Variants in MSL1 observed in about 807,000 individuals in gnomAD.
The protein encoded by MSL1 is MSL complex subunit 1.
Under a neutral mutation model 64.6 loss-of-function variants are expected in MSL1, and 21 were observed. The observed-to-expected ratio is 0.33, with a 90% CI of 0.23 to 0.47. The LOEUF (loss-of-function observed/expected upper bound fraction) is 0.47, where lower values mean the gene tolerates loss of function less well. Among genes scored for constraint, MSL1 ranks in the 20% least tolerant of loss-of-function variants. The probability of loss-of-function intolerance (pLI) is 1.00; values close to 1 mark genes in which losing one functional copy is unlikely to be tolerated. For synonymous variants in MSL1, 339 were observed against 329.6 expected (o/e 1.03, Z -0.31); for missense variants, 664 against 793.2 (o/e 0.84, Z 1.96).
rs866430268 is a variant in MSL1, at chr17:40,134,128, C to T, written c.1755-151C>T. ...ATGATTCCATCACTTTAATGGTACA[C>T]AGTTGCTCTGGCTTTGAGGCAGGAA... On this transcript the variant is annotated intron_variant, in intron 8 of 8. Transcript: ENST00000398532. The T allele has an allele frequency of 1.1e-4, 75 of 701,240 alleles. 1 individual carries two copies. In the South Asian group the frequency reaches 1.2e-3, roughly 11 times the overall value. 43.4% of individuals were successfully genotyped at this position (701,240 alleles called of 1,614,324 possible).
rs1988435465 is a variant in MSL1, at chr17:40,131,480, G to T, written c.1376-57G>T. 3.4e-6 allele frequency: 5 copies of T among 1,488,258 alleles called. No homozygotes were observed. The highest frequency in any genetic ancestry group is 1.1e-5 in the South Asian group (1 of 88,154). The allele number at this position is 1,488,258 out of a possible 1,614,324, so 92.2% of individuals were successfully genotyped here. ...AGTGATGATCCTTTCCTCCATTTGG[G>T]GTATGGGCTTTTTTTCTTTTTACAC... On this transcript the variant is annotated intron_variant, in intron 3 of 8. Transcript: ENST00000398532. The surrounding 1 kb of genome is among the most constrained non-coding windows in gnomAD (Gnocchi z 4.5).
chr17:40,134,249 C>CA (rs1359820450), intron 8 of MSL1, 30 bp from the exon 9 acceptor site: 1 of 1,540,654 alleles, frequency 6.5e-7, no homozygotes, highest in Non-Finnish European at 8.8e-7. Context: ...TCTAGTCTTG[C>CA]AAGTTGATTT....
chr17:40,130,376 C>T (rs1988415457), intron 3 of MSL1: 1 of 152,010 alleles, frequency 6.6e-6, no homozygotes, highest in Admixed American at 6.6e-5. Flanking sequence ...GTCTTCATTC[C>T]CTTTTTTTTT....
In MSL1 at chr17:40,122,573, CCCT is replaced by C; in HGVS notation, c.-34_-32del. 2 of 1,381,696 alleles carry C rather than the reference CCCT, an allele frequency of 1.4e-6. No homozygotes were observed. Among genetic ancestry groups the C allele is most frequent in the Non-Finnish European group, 9.3e-7 (1 of 1,069,840 alleles). 85.6% of individuals were successfully genotyped at this position (1,381,696 alleles called of 1,614,324 possible). ...CCCCGCACCTCGCCCCTTCCCCACC[CCCT>C]CCTCCGCCTCGGTGCCCGGCGCTGC... is the stretch of plus-strand genomic sequence containing the variant. On this transcript the variant is annotated 5_prime_UTR_variant, in exon 1 of 9. Coordinates refer to ENST00000398532, the MANE Select transcript of MSL1 (RefSeq NM_001365919.1). The surrounding 1 kb of genome is among the most constrained non-coding windows in gnomAD (Gnocchi z 4.2).
Position 40,131,595 on chromosome 17 carries a change from T to C in MSL1, c.1423+11T>C, listed in dbSNP as rs201263268. The C allele has an allele frequency of 8.6e-5, 139 of 1,613,434 alleles. No individual in the cohort carries two copies. The African/African-American group carries it at 1.6e-3, about 19-fold the overall frequency. ...CTTCAGTCTTGGCTGGTGAGTAGAA[T>C]AGGAATTGTGCTGGCTGGGCCTGGG... On this transcript the variant is annotated intron_variant, in intron 4 of 8. Transcript: ENST00000398532. This position sits in a 1 kb window ranked among gnomAD's most constrained non-coding sequence, Gnocchi z 4.5.
Position 40,123,338 on chromosome 17 carries a change from C to T in MSL1, c.726C>T (p.Ala242=). ...AACAGCAGCAGCAGCAGCTGCAGGC[C>T]AAGGAAAAGGAGATCGAGGAGCTGA... The part of the protein sequence containing the change: ...LIEQQQQQLQ[A]KEKEIEELKS... The change falls in exon 1 of 9, where the codon GCC becomes GCT. Residue 242 remains alanine (A), a synonymous_variant. Transcript: ENST00000398532. 6.5e-7 allele frequency: 1 copy of T among 1,536,312 alleles called. No homozygotes were observed. Among genetic ancestry groups the T allele is most frequent in the South Asian group, 1.2e-5 (1 of 84,046 alleles).
In MSL1 at chr17:40,131,818, T is replaced by A; in HGVS notation, c.1424-216T>A. 1 of 614,908 alleles carries A rather than the reference T, an allele frequency of 1.6e-6. No individual in the cohort carries two copies. The highest frequency in any genetic ancestry group is 2.9e-6 in the Non-Finnish European group (1 of 346,908). The allele number at this position is 614,908 out of a possible 1,614,324, so 38.1% of individuals were successfully genotyped here. The stretch of plus-strand genomic sequence containing the variant: ...TATTGGTTTAGGGTTTTTGTGATCC[T>A]GAGTTTGGCAGACTGCAATGGCATT... On this transcript the variant is annotated intron_variant, in intron 4 of 8. Transcript: ENST00000398532. The surrounding 1 kb of genome is among the most constrained non-coding windows in gnomAD (Gnocchi z 4.5).
At chr17:40,133,322 C>G in intron 6 of MSL1, 1 of 748,532 alleles carries the variant, frequency 1.3e-6, no homozygotes, top group Non-Finnish European at 2.1e-6. Flanking sequence ...TGACCTTCCT[C>G]AATTCTACTT....
chr17:40,127,771 A>G (rs1988354018), intron 2 of MSL1, among the ~76,000 whole-genome samples: 1 of 152,210 alleles, frequency 6.6e-6, no homozygotes, highest in Non-Finnish European at 1.5e-5. Context: ...TGTAAGATTC[A>G]GGGATATTAA....
At chr17:40,130,602 A>T (rs776155490) in intron 3 of MSL1, among the ~76,000 whole-genome samples, 1 of 152,176 alleles carries the variant, frequency 6.6e-6, no homozygotes, top group Non-Finnish European at 1.5e-5. Context: ...CAGTGAGACA[A>T]GAGCGTTCTC....
chr17:40,130,598 G>C (rs768516760), intron 3 of MSL1, among the ~76,000 whole-genome samples: 5 of 152,202 alleles, frequency 3.3e-5, no homozygotes, highest in Non-Finnish European at 7.3e-5. Flanking sequence ...ATTCCAGTGA[G>C]ACAAGAGCGT....
rs1429692912 is a variant in MSL1 at position 40,122,074 on chromosome 17, G to T, written c.-539G>T. Among the ~76,000 whole-genome samples, 2 of 151,466 alleles carry T rather than the reference G, an allele frequency of 1.3e-5. No individual in the cohort carries two copies. The highest frequency in any genetic ancestry group is 2.0e-4 in the East Asian group (1 of 5,122). On this transcript the variant is annotated 5_prime_UTR_variant, in exon 1 of 9. Coordinates refer to ENST00000398532, the MANE Select transcript of MSL1 (RefSeq NM_001365919.1). This position sits in a 1 kb window ranked among gnomAD's most constrained non-coding sequence, Gnocchi z 4.2. ...GCCGGGGGTGACTGTGGGGGAGGGGGACCCCGAGCCGCGGAGACCCCCGGG... is the reference window on the plus strand; with the variant it reads ...GCCGGGGGTGACTGTGGGGGAGGGGTACCCCGAGCCGCGGAGACCCCCGGG...
chr17:40,135,304 C>G lies in MSL1; in HGVS notation c.*935C>G, dbSNP rs989482339. 6.6e-6 allele frequency: 1 copy of G among 152,276 alleles called. No individual in the cohort carries two copies. The highest frequency in any genetic ancestry group is 1.5e-5 in the Non-Finnish European group (1 of 68,022). The allele number at this position is 152,276 out of a possible 1,614,324, so 9.4% of individuals were successfully genotyped here. On this transcript the variant is annotated 3_prime_UTR_variant, in exon 9 of 9. Transcript: ENST00000398532. ...GCAAATGTCTACATCTTGAAACAAA[C>G]AGATGTACCTAATGAGCTTCTCCAT... is the stretch of plus-strand genomic sequence containing the variant.
At chr17:40,126,132 G>A in intron 1 of MSL1, 51 bp from the exon 2 acceptor site, 1 of 1,529,404 alleles carries the variant, frequency 6.5e-7, no homozygotes. Flanking sequence ...AAGTATCTGT[G>A]TGTTTAATTT....
chr17:40,128,648 C>T lies in MSL1; in HGVS notation c.993-597C>T, dbSNP rs573265202. Among the ~76,000 whole-genome samples the T allele has an allele frequency of 7.3e-5, 11 of 150,272 alleles. No individual in the cohort carries two copies. In the East Asian group the frequency reaches 2.3e-3, roughly 31 times the overall value. On this transcript the variant is annotated intron_variant, in intron 2 of 8. Coordinates refer to ENST00000398532, the MANE Select transcript of MSL1 (RefSeq NM_001365919.1). ...CCGCCTGCATTGGCCTTCCAAAGTG[C>T]TGGGATTACAGGCGTGAGCCACTGC...
Position 40,126,319 on chromosome 17 carries a change from T to G in MSL1, c.905T>G (p.Leu302Arg). 1 of 1,614,012 alleles carries G rather than the reference T, an allele frequency of 6.2e-7. No individual in the cohort carries two copies. Among genetic ancestry groups the G allele is most frequent in the Non-Finnish European group, 8.5e-7 (1 of 1,179,894 alleles). ...EETELSEKIKLECQPELSETS... is the reference protein window; with the variant it reads ...EETELSEKIKRECQPELSETS... ...ACAGAGCTATCTGAGAAAATTAAAC[T>G]GGAGTGCCAGCCGGAGCTTTCCGAG... Residue 302 changes from leucine to arginine, a missense_variant, in exon 2 of 9, where the codon CTG becomes CGG. Physicochemically the swap from Leu to Arg is moderately radical, Grantham distance 102. Coordinates refer to ENST00000398532, the MANE Select transcript of MSL1 (RefSeq NM_001365919.1).
At chr17:40,133,759 G>A in intron 7 of MSL1, 68 bp from the exon 8 acceptor site, 1 of 1,610,412 alleles carries the variant, frequency 6.2e-7, no homozygotes, top group Non-Finnish European at 8.5e-7. Context: ...GTATTTTGGA[G>A]CAGATATAGC....
At chr17:40,124,422 T>C (rs982288975) in intron 1 of MSL1, among the ~76,000 whole-genome samples, 13 of 151,686 alleles carry the variant, frequency 8.6e-5, no homozygotes, top group African/African-American at 3.2e-4. Flanking sequence ...CCCTCTCTCC[T>C]CTTTCTCTCT....
intron 2 of MSL1, among the ~76,000 whole-genome samples, chr17:40,128,238 A>G (rs551712702): frequency 1.7e-3 from 254 of 152,248 alleles, no homozygotes; most frequent in African/African-American, 6.1e-3. Flanking sequence ...GAAAAAGGAA[A>G]TAAAGGTTAC....
Sources: allele counts gnomAD v4.1 joint callset (sites outside exome capture counted in the v4.1 genomes callset), GRCh38; gene constraint gnomAD v4.1.1; non-coding constraint Gnocchi (gnomAD v3.1); transcripts MANE v1.5; gene names NCBI Gene and HGNC (gene_info 2026-07-23, HGNC 2026-07-21).